The following CCDC30 variants were observed in gnomAD, a reference collection of about 807,000 sequenced individuals.
The protein encoded by CCDC30 is coiled-coil domain-containing protein 30.
A neutral mutation model predicts 100.2 loss-of-function variants in CCDC30; 70 were observed. The ratio of observed to expected loss-of-function variants is 0.70; its 90% confidence interval spans 0.58 to 0.85. CCDC30 has a LOEUF of 0.85. Among genes scored for constraint, CCDC30 ranks in the 40% least tolerant of loss-of-function variants. The pLI is 0.00. For missense variants in CCDC30, 652 were observed against 771.2 expected, an observed-to-expected ratio of 0.85 and a Z score of 1.83; for synonymous variants, 233 against 269.5, an observed-to-expected ratio of 0.86 and a Z score of 1.33.
intron 8 of CCDC30, among the ~76,000 whole-genome samples, chr1:42,578,985 A>G (rs1645902834): frequency 6.6e-6 from 1 of 152,004 alleles, no homozygotes; most frequent in Non-Finnish European, 1.5e-5. Flanking sequence ...TTTCCCTAGA[A>G]TTAACTTTTT....
intron 6 of CCDC30, among the ~76,000 whole-genome samples, chr1:42,511,977 A>G (rs148031386): frequency 3.3e-5 from 5 of 152,352 alleles, no homozygotes; most frequent in South Asian, 2.1e-4. Context: ...AGATTTACCC[A>G]CATATTTATT....
intron 13 of CCDC30, among the ~76,000 whole-genome samples, 165 bp from the exon 18 acceptor site, chr1:42,644,528 A>G (rs1647716768): frequency 6.6e-6 from 1 of 152,192 alleles, no homozygotes; most frequent in Non-Finnish European, 1.5e-5. Context: ...GTATTAAACA[A>G]CACACTTGTT....
chr1:42,621,219 T>C (rs183876741), intron 11 of CCDC30, among the ~76,000 whole-genome samples: 24 of 152,358 alleles, frequency 1.6e-4, no homozygotes, highest in Non-Finnish European at 1.5e-5. Flanking sequence ...GATACAGGCA[T>C]GCAATGAGTA....
At chr1:42,556,451 T>C in intron 6 of CCDC30, 46 bp downstream of exon 10, 1 of 1,534,898 alleles carries the variant, frequency 6.5e-7, no homozygotes, top group Non-Finnish European at 8.7e-7. Context: ...TTTCCTCTGA[T>C]TGGCTGTGGA....
intron 6 of CCDC30, among the ~76,000 whole-genome samples, chr1:42,561,287 C>G (rs1645481954): frequency 6.6e-6 from 1 of 152,196 alleles, no homozygotes; most frequent in South Asian, 2.1e-4. Context: ...CACTGGGATG[C>G]AAGGCTGGTT....
chr1:42,552,810 C>G (rs1449176294), intron 6 of CCDC30, among the ~76,000 whole-genome samples: 1 of 152,034 alleles, frequency 6.6e-6, no homozygotes, highest in Non-Finnish European at 1.5e-5. Flanking sequence ...TAGGTGGTGG[C>G]CTCCTCTGAC....
exon 15 of CCDC30, chr1:42,646,226 C>T: frequency 6.4e-7 from 1 of 1,563,470 alleles, no homozygotes; most frequent in Non-Finnish European, 8.7e-7. Context: ...ATATACAGCA[C>T]TGAGGTCTTC....
rs867134188 is a variant in CCDC30, at chr1:42,644,797, G to T, written c.1661G>T (p.Arg554Leu). 7 of 1,604,614 alleles carry T rather than the reference G, an allele frequency of 4.4e-6. No homozygotes were observed. The South Asian group carries it at 7.7e-5, about 18-fold the overall frequency. ...CGAATTATAAGGAGCATCCATATTC[G>T]CAGAGGAGAGGTAAGATGTGTGCTT... The change falls in exon 14 of 17, where the codon CGC becomes CTC. Residue 554 changes from arginine (R) to leucine (L), a missense_variant. Coordinates refer to ENST00000668663, the Ensembl canonical transcript of CCDC30.
At chr1:42,604,180 C>T (rs1303461054) in intron 10 of CCDC30, among the ~76,000 whole-genome samples, 2 of 152,082 alleles carry the variant, frequency 1.3e-5, no homozygotes, top group Non-Finnish European at 2.9e-5. Flanking sequence ...CACCACTGCA[C>T]CCCACCCCAG....
At chr1:42,498,510 TAA>T (rs764849589) in intron 5 of CCDC30, among the ~76,000 whole-genome samples, 4 of 152,152 alleles carry the variant, frequency 2.6e-5, no homozygotes, top group Non-Finnish European at 5.9e-5. Context: ...AAAGAATGAA[TAA>T]AAAGTGAAGA....
chr1:42,519,473 T>C (rs546539104), intron 6 of CCDC30, among the ~76,000 whole-genome samples: 1 of 152,352 alleles, frequency 6.6e-6, no homozygotes, highest in East Asian at 1.9e-4. Context: ...GTTAGTCTAT[T>C]CAGATTTTCT....
chr1:42,537,338 C>T (rs2148521824), intron 6 of CCDC30: 1 of 445,338 alleles, frequency 2.2e-6, no homozygotes, highest in Admixed American at 2.5e-5. Flanking sequence ...TAGTGACACT[C>T]AATCAGTTTG....
Position 42,473,202 on chromosome 1 carries a change from CTGTT to C in CCDC30, c.-91-7256_-91-7253del, listed in dbSNP as rs566586563. 9.7e-5 allele frequency: 120 copies of C among 1,231,380 alleles called. No homozygotes were observed. The South Asian group carries it at 4.0e-3, about 41-fold the overall frequency. The allele number at this position is 1,231,380 out of a possible 1,614,324, so 76.3% of individuals were successfully genotyped here. A position where few individuals can be genotyped will look rare whatever the true frequency, so the allele number is the denominator to read the frequency against. On this transcript the variant is annotated intron_variant, in intron 1 of 16. Coordinates refer to ENST00000668663, the Ensembl canonical transcript of CCDC30. ...CCCTTGCTACTACAGAAGAACAACTCTGTTTGGTGCTTATTCCAGCCAGCACAGT... is the reference window on the plus strand; with the variant it reads ...CCCTTGCTACTACAGAAGAACAACTCTGGTGCTTATTCCAGCCAGCACAGT...
At chr1:42,572,987 A>G (rs1173004547) in intron 7 of CCDC30, among the ~76,000 whole-genome samples, 1 of 152,184 alleles carries the variant, frequency 6.6e-6, no homozygotes, top group Non-Finnish European at 1.5e-5. Context: ...TGCCAATACT[A>G]TGCTATCATG....
intron 6 of CCDC30, among the ~76,000 whole-genome samples, chr1:42,546,402 ATATATATATATATATATATAT>A (rs1557843034): frequency 0.019 from 501 of 25,762 alleles, 54 homozygotes; most frequent in African/African-American, 0.05. Flanking sequence ...AAAAAAAAAT[ATATATATATATATATATATAT>A]ATATATATAT....
At chr1:42,632,459 T>C (rs1308570909) in intron 11 of CCDC30, among the ~76,000 whole-genome samples, 1 of 150,470 alleles carries the variant, frequency 6.6e-6, no homozygotes, top group African/African-American at 2.5e-5. Flanking sequence ...AGAGTGAGAC[T>C]CTACCTTAAA....
At chr1:42,593,489 C>T (rs1646227093) in intron 10 of CCDC30, 1 of 152,142 alleles carries the variant, frequency 6.6e-6, no homozygotes, top group Non-Finnish European at 1.5e-5. Flanking sequence ...ATGAAGACTT[C>T]ATTATGTAGG....
chr1:42,525,092 AT>A (rs371089516), intron 6 of CCDC30, among the ~76,000 whole-genome samples: 3 of 151,872 alleles, frequency 2.0e-5, no homozygotes, highest in East Asian at 1.9e-4. Context: ...CATTTATGAA[AT>A]TTTTTTAGCA....
chr1:42,604,418 A>G (rs909360588), intron 10 of CCDC30, among the ~76,000 whole-genome samples: 5 of 152,218 alleles, frequency 3.3e-5, no homozygotes, highest in African/African-American at 1.2e-4. Context: ...GAAAGCCAGT[A>G]TGGAGAGTCT....
Sources: gnomAD v4.1 joint callset for allele counts (sites outside exome capture counted in the v4.1 genomes callset) on GRCh38, gnomAD v4.1.1 for gene constraint, MANE v1.5 for transcripts, NCBI Gene and HGNC (gene_info 2026-07-23, HGNC 2026-07-21) for gene names.